Variants in CSMD1 observed in about 807,000 individuals in gnomAD.
CSMD1 encodes CUB and sushi domain-containing protein 1.
In CSMD1, 213 loss-of-function variants were observed where a neutral mutation model predicts 417.5. The observed-to-expected ratio is 0.51, with a 90% CI of 0.46 to 0.57. The LOEUF (loss-of-function observed/expected upper bound fraction) is 0.57. CSMD1 is among the 20% of genes least tolerant of loss of function. The pLI is 0.00. For missense variants in CSMD1, 6,923 were observed against 4,529.7 expected (o/e 1.53, Z -15.17); for synonymous variants, 2,862 against 1,736.8 (o/e 1.65, Z -16.11).
chr8:4,405,975 G>C (rs945335151), intron 3 of CSMD1, among the ~76,000 whole-genome samples: 2 of 152,174 alleles, frequency 1.3e-5, no homozygotes, highest in Non-Finnish European at 1.5e-5. Flanking sequence ...CGCCTGTCCT[G>C]TAACAGACAT....
intron 26 of CSMD1, among the ~76,000 whole-genome samples, chr8:3,257,865 A>G (rs1377301578): frequency 2.0e-5 from 3 of 152,104 alleles, no homozygotes; most frequent in Non-Finnish European, 4.4e-5. Flanking sequence ...TGACTCAGTG[A>G]TCCAGGGGCC....
At chr8:4,708,227 G>A (rs534839665) in intron 1 of CSMD1, among the ~76,000 whole-genome samples, 1 of 152,256 alleles carries the variant, frequency 6.6e-6, no homozygotes, top group South Asian at 2.1e-4. Context: ...TGAGATTACA[G>A]GCATGAGCCA....
chr8:4,542,640 T>A (rs371276934), intron 2 of CSMD1, among the ~76,000 whole-genome samples: 1 of 152,210 alleles, frequency 6.6e-6, no homozygotes, highest in African/African-American at 2.4e-5. Context: ...TGCAAGAGAA[T>A]GGAGATTAAC....
chr8:4,575,659 A>G (rs1345750739), intron 2 of CSMD1, among the ~76,000 whole-genome samples: 2 of 152,214 alleles, frequency 1.3e-5, no homozygotes, highest in Non-Finnish European at 2.9e-5. Context: ...ATACAAAGGA[A>G]TAAAATTGTC....
intron 7 of CSMD1, among the ~76,000 whole-genome samples, chr8:3,703,335 G>A (rs367994402): frequency 6.6e-6 from 1 of 152,158 alleles, no homozygotes; most frequent in Non-Finnish European, 1.5e-5. Context: ...ATGAACGTGG[G>A]TTCCCAAAGC....
intron 26 of CSMD1, among the ~76,000 whole-genome samples, chr8:3,240,432 G>A (rs1264019390): frequency 3.6e-5 from 1 of 27,998 alleles, no homozygotes; most frequent in Non-Finnish European, 1.0e-4. Context: ...GAAAGGAGTT[G>A]TTGTTTTATA....
chr8:4,521,026 C>G (rs902587220), intron 2 of CSMD1, among the ~76,000 whole-genome samples: 1 of 152,054 alleles, frequency 6.6e-6, no homozygotes, highest in Non-Finnish European at 1.5e-5. Flanking sequence ...TTTCAACCAT[C>G]GCATATAAAA....
intron 5 of CSMD1, among the ~76,000 whole-genome samples, chr8:3,993,848 G>GCC (rs1295368571): frequency 7.9e-5 from 12 of 152,202 alleles, no homozygotes; most frequent in African/African-American, 2.9e-4. Context: ...TACTCTGCAT[G>GCC]CCCCTCTAAG....
intron 17 of CSMD1, among the ~76,000 whole-genome samples, chr8:3,394,923 T>C (rs1266969823): frequency 6.6e-6 from 1 of 152,220 alleles, no homozygotes; most frequent in African/African-American, 2.4e-5. Flanking sequence ...GATATTGGAA[T>C]ATTTTTATCT....
rs116102403 is a variant in CSMD1, at chr8:4,789,211, T to C, written c.86-151653A>G. On this transcript the variant is annotated intron_variant, in intron 1 of 69. Transcript: ENST00000635120. ...GAAAATATTCAATAAATATTATTTG[T>C]AGTTAATATAAAGAAGCTATCCTGC... Among the ~76,000 whole-genome samples the C allele has an allele frequency of 7.1e-3, 1,075 of 152,324 alleles. 16 individuals carry two copies. Among genetic ancestry groups the C allele is most frequent in the African/African-American group, 0.017 (709 of 41,572 alleles).
chr8:4,461,161 A>AT (rs1563200613), intron 2 of CSMD1, among the ~76,000 whole-genome samples: 7 of 28,636 alleles, frequency 2.4e-4, no homozygotes, highest in African/African-American at 5.6e-4. Flanking sequence ...TGATTGTCTT[A>AT]CCAGATAAAA....
intron 5 of CSMD1, among the ~76,000 whole-genome samples, chr8:3,977,941 T>A (rs1336823340): frequency 6.6e-6 from 1 of 152,102 alleles, no homozygotes; most frequent in African/African-American, 2.4e-5. Context: ...CATGGAGAGG[T>A]CATGTGCACG....
intron 37 of CSMD1, among the ~76,000 whole-genome samples, chr8:3,169,629 G>A (rs1045407467): frequency 5.3e-5 from 8 of 152,234 alleles, no homozygotes; most frequent in East Asian, 1.9e-4. Context: ...TGAACTGTAC[G>A]CTTAACAATA....
chr8:4,758,383 A>G (rs1298844784), intron 1 of CSMD1, among the ~76,000 whole-genome samples: 2 of 152,148 alleles, frequency 1.3e-5, no homozygotes, highest in Non-Finnish European at 2.9e-5. Flanking sequence ...GTTGCACCCA[A>G]TCCTGGTAGA....
chr8:4,362,638 C>T (rs375869286), intron 3 of CSMD1, among the ~76,000 whole-genome samples: 100 of 152,304 alleles, frequency 6.6e-4, no homozygotes, highest in African/African-American at 2.3e-3. Context: ...TTGCTACCCC[C>T]TCTACTGGCC....
intron 5 of CSMD1, among the ~76,000 whole-genome samples, chr8:3,901,624 C>T (rs2930378): frequency 0.19 from 28,725 of 152,100 alleles, 3,053 homozygotes; most frequent in East Asian, 0.32. Flanking sequence ...TGAAAACCAC[C>T]GAAGTAAAAC....
chr8:3,156,259 C>T (rs1270775934), intron 39 of CSMD1, among the ~76,000 whole-genome samples: 3 of 152,142 alleles, frequency 2.0e-5, no homozygotes, highest in African/African-American at 7.2e-5. Context: ...TGAGCACACC[C>T]CCAGCAATAC....
chr8:3,017,828 A>C (rs1044150211), intron 52 of CSMD1, among the ~76,000 whole-genome samples: 2 of 136,370 alleles, frequency 1.5e-5, no homozygotes, highest in African/African-American at 6.8e-5. Context: ...AAAAAAAAAA[A>C]AAAAAAAGGA....
rs1002957496 is a variant in CSMD1, at chr8:4,171,972, C to T, written c.416-139873G>A. On this transcript the variant is annotated intron_variant, in intron 3 of 69. Coordinates refer to ENST00000635120, the MANE Select transcript of CSMD1 (RefSeq NM_033225.6). ...CTTTCTTGCATAATGTAATAATCAG[C>T]ATCCTTCATTTGAATATCACGGTTT... 2.6e-5 allele frequency among the ~76,000 whole-genome samples: 4 copies of T among 152,130 alleles called. No homozygotes were observed. In the East Asian group the frequency reaches 7.7e-4, roughly 29 times the overall value.
Sources: gnomAD v4.1 joint callset for allele counts (sites outside exome capture counted in the v4.1 genomes callset) on GRCh38, gnomAD v4.1.1 for gene constraint, MANE v1.5 for transcripts, NCBI Gene and HGNC (gene_info 2026-07-23, HGNC 2026-07-21) for gene names.